ERBIN: variants seen among roughly 807,000 people sequenced by gnomAD.
ERBIN encodes densin-180-like protein.
In ERBIN, 60 loss-of-function variants were observed where a neutral mutation model predicts 158.4. That is an observed-to-expected ratio of 0.38 (90% confidence interval 0.31 to 0.47). The LOEUF is 0.47. Ranked by LOEUF, ERBIN falls within the 20% of genes least tolerant of loss-of-function variation. The pLI is 0.99. For missense variants in ERBIN, 1,610 were observed against 1,648.0 expected (o/e 0.98, Z 0.40); for synonymous variants, 594 against 557.2 (o/e 1.07, Z -0.93).
chr5:66,018,566 ATT>A lies in ERBIN; in HGVS notation c.534-2755_534-2754del, dbSNP rs1755256870. On this transcript the variant is annotated intron_variant, in intron 7 of 25. Transcript: ENST00000284037. ...ATATATTATATATTATATAATATATATTATATTATATAATATATATTATATAA... is the reference window on the plus strand; with the variant it reads ...ATATATTATATATTATATAATATATAATATTATATAATATATATTATATAA... 1.3e-3 allele frequency among the ~76,000 whole-genome samples: 12 copies of A among 9,548 alleles called. 5 individuals carry two copies. Among genetic ancestry groups the A allele is most frequent in the African/African-American group, 1.7e-3 (6 of 3,570 alleles). The allele number at this position is 9,548 out of a possible 152,430, so 6.3% of individuals were successfully genotyped here.
At chr5:65,998,245 G>GAT (rs1031398810) in intron 4 of ERBIN, among the ~76,000 whole-genome samples, 52 of 146,880 alleles carry the variant, frequency 3.5e-4, no homozygotes, top group East Asian at 7.9e-4. Flanking sequence ...TATATATATA[G>GAT]ATATATATAT....
chr5:65,944,871 C>T (rs1745547215), intron 1 of ERBIN, among the ~76,000 whole-genome samples: 2 of 151,944 alleles, frequency 1.3e-5, no homozygotes, highest in Admixed American at 1.3e-4. Flanking sequence ...TTTTCAATCC[C>T]AGTCTGTTAC....
At chr5:66,064,543 A>C (rs998459016) in intron 21 of ERBIN, among the ~76,000 whole-genome samples, 1 of 152,212 alleles carries the variant, frequency 6.6e-6, no homozygotes, top group African/African-American at 2.4e-5. Context: ...TAGAGGAATG[A>C]CTTTAAAAGC....
At chr5:66,060,460 A>G (rs922021881) in intron 21 of ERBIN, among the ~76,000 whole-genome samples, 3 of 152,258 alleles carry the variant, frequency 2.0e-5, no homozygotes, top group Middle Eastern at 3.4e-3. Context: ...CTAGCAGTCT[A>G]TCAATTCTGT....
intron 22 of ERBIN, among the ~76,000 whole-genome samples, chr5:66,072,775 A>G (rs1435613653): frequency 6.6e-6 from 1 of 152,180 alleles, no homozygotes; most frequent in African/African-American, 2.4e-5. Flanking sequence ...GCAATTATCT[A>G]TGTATGGCCA....
At chr5:65,979,651 C>CA (rs1290436951) in intron 1 of ERBIN, among the ~76,000 whole-genome samples, 1 of 151,858 alleles carries the variant, frequency 6.6e-6, no homozygotes, top group Non-Finnish European at 1.5e-5. Flanking sequence ...ATGGACATGC[C>CA]AAAAAACCAA....
At chr5:65,999,794 A>G (rs894360392) in intron 4 of ERBIN, among the ~76,000 whole-genome samples, 1 of 152,124 alleles carries the variant, frequency 6.6e-6, no homozygotes, top group African/African-American at 2.4e-5. Flanking sequence ...GCAGTGTGAA[A>G]TTTGTGTTTC....
intron 7 of ERBIN, among the ~76,000 whole-genome samples, chr5:66,015,606 A>T (rs541258308): frequency 6.6e-6 from 1 of 152,136 alleles, no homozygotes; most frequent in African/African-American, 2.4e-5. Flanking sequence ...TTGCCAACTC[A>T]TGTTGAAATC....
chr5:66,025,392 G>A, intron 10 of ERBIN, 88 bp from the exon 11 acceptor site: 1 of 942,910 alleles, frequency 1.1e-6, no homozygotes. Context: ...TCTAATTCTT[G>A]TCAGATGTAG....
At chr5:66,077,703 A>G (rs1762114037) in intron 25 of ERBIN, among the ~76,000 whole-genome samples, 1 of 151,648 alleles carries the variant, frequency 6.6e-6, no homozygotes, top group Non-Finnish European at 1.5e-5. Flanking sequence ...ATAATTTGCT[A>G]CATTGTCTTT....
intron 22 of ERBIN, among the ~76,000 whole-genome samples, chr5:66,073,100 C>A (rs1034244505): frequency 1.3e-5 from 2 of 152,090 alleles, no homozygotes; most frequent in Non-Finnish European, 2.9e-5. Context: ...TTAATACTTT[C>A]TAATTTCCTG....
chr5:66,002,216 T>C (rs1427237170), intron 4 of ERBIN, among the ~76,000 whole-genome samples: 1 of 152,190 alleles, frequency 6.6e-6, no homozygotes, highest in Non-Finnish European at 1.5e-5. Flanking sequence ...AATCTGTCAT[T>C]GATGGGCATT....
At chr5:65,975,713 C>T (rs1168418454) in intron 1 of ERBIN, among the ~76,000 whole-genome samples, 1 of 152,230 alleles carries the variant, frequency 6.6e-6, no homozygotes, top group Non-Finnish European at 1.5e-5. Context: ...TAATTGAAGT[C>T]AGTGCATGTG....
intron 1 of ERBIN, among the ~76,000 whole-genome samples, chr5:65,977,256 C>T (rs1282567063): frequency 6.6e-6 from 1 of 150,928 alleles, no homozygotes; most frequent in African/African-American, 2.4e-5. Context: ...CTGACCCCCC[C>T]ACCTCCCTCC....
intron 21 of ERBIN, among the ~76,000 whole-genome samples, chr5:66,063,127 T>C (rs1354875535): frequency 6.6e-6 from 1 of 152,220 alleles, no homozygotes; most frequent in East Asian, 1.9e-4. Flanking sequence ...GTCTGTGCCC[T>C]GCCCCCAGAG....
At position 66,054,553 on chromosome 5, in the gene ERBIN, A is replaced by G. The variant is rs765392607; in HGVS notation, c.3235A>G (p.Ser1079Gly). ...TCGAAGTACAATCCAGCGACAAAGTAGTGTGTCCTCCACAGCCTCTGTAAA... is the reference window on the plus strand; with the variant it reads ...TCGAAGTACAATCCAGCGACAAAGTGGTGTGTCCTCCACAGCCTCTGTAAA... ...VTRSTIQRQSSVSSTASVNLG... is the reference protein window; with the variant it reads ...VTRSTIQRQSGVSSTASVNLG... Residue 1079 changes from serine to glycine, a missense_variant, in exon 21 of 26, where the codon AGT becomes GGT. Ser to Gly is a moderately conservative substitution (Grantham distance 56). Coordinates refer to ENST00000284037, the MANE Select transcript of ERBIN (RefSeq NM_001253697.2). 42 of 1,614,076 alleles carry G rather than the reference A, an allele frequency of 2.6e-5. 1 individual carries two copies. In the Admixed American group the frequency reaches 7.0e-4, roughly 27 times the overall value.
chr5:66,001,052 C>G (rs544545491), intron 4 of ERBIN, among the ~76,000 whole-genome samples: 2 of 151,950 alleles, frequency 1.3e-5, no homozygotes, highest in Admixed American at 1.3e-4. Context: ...CATATTAGGT[C>G]GATGTGGCTG....
chr5:66,031,670 ATAAAT>A (rs1384383411), intron 14 of ERBIN, among the ~76,000 whole-genome samples: 7 of 152,150 alleles, frequency 4.6e-5, no homozygotes, highest in African/African-American at 9.7e-5. Flanking sequence ...GTCTCTGCAA[ATAAAT>A]TAAAACATTA....
chr5:66,071,673 G>A (rs1417519344), intron 21 of ERBIN, among the ~76,000 whole-genome samples: 2 of 148,860 alleles, frequency 1.3e-5, no homozygotes, highest in African/African-American at 5.1e-5. Flanking sequence ...TTAAAATTTA[G>A]GGGAAAAAAA....
Sources: allele counts gnomAD v4.1 joint callset (sites outside exome capture counted in the v4.1 genomes callset), GRCh38; gene constraint gnomAD v4.1.1; transcripts MANE v1.5; gene names NCBI Gene and HGNC (gene_info 2026-07-23, HGNC 2026-07-21).